KCNH7: variants seen among roughly 807,000 people sequenced by gnomAD.
KCNH7 encodes voltage-gated inwardly rectifying potassium channel KCNH7.
A neutral mutation model predicts 120.8 loss-of-function variants in KCNH7; 49 were observed. The ratio of observed to expected loss-of-function variants is 0.41; its 90% CI spans 0.32 to 0.51. The LOEUF is 0.51. Among genes scored for constraint, KCNH7 ranks in the 20% least tolerant of loss-of-function variants. KCNH7 has a pLI of 0.38. For synonymous variants in KCNH7, 547 were observed against 516.1 expected (o/e 1.06, Z -0.81); for missense variants, 1,097 against 1,446.6 (o/e 0.76, Z 3.92).
At chr2:162,739,168 C>T (rs772439284) in intron 2 of KCNH7, among the ~76,000 whole-genome samples, 11 of 152,116 alleles carry the variant, frequency 7.2e-5, no homozygotes, top group Non-Finnish European at 1.5e-4. Flanking sequence ...TGCCTTGGTG[C>T]CCATTTTCAA....
rs1484112107 is a variant in KCNH7 at position 162,384,947 on chromosome 2, A to G, written c.2711-8T>C. ...GATCATTTGTACTGTTTTCTTTGCC[A>G]AAATATATCAAAGAAAAGTTATTTT... On this transcript the variant is annotated splice_polypyrimidine_tract_variant and splice_region_variant and intron_variant, in intron 12 of 15. Coordinates refer to ENST00000332142, the MANE Select transcript of KCNH7 (RefSeq NM_033272.4). 6.3e-7 allele frequency: 1 copy of G among 1,589,564 alleles called. No homozygotes were observed.
intron 2 of KCNH7, among the ~76,000 whole-genome samples, chr2:162,666,280 C>T (rs1685129415): frequency 1.3e-5 from 2 of 152,106 alleles, no homozygotes; most frequent in Admixed American, 1.3e-4. Flanking sequence ...GAAGCTCAAC[C>T]ATCTTGGATT....
At chr2:162,453,608 C>G (rs1170357485) in intron 6 of KCNH7, among the ~76,000 whole-genome samples, 1 of 152,188 alleles carries the variant, frequency 6.6e-6, no homozygotes, top group Non-Finnish European at 1.5e-5. Context: ...TGTTTCTCCA[C>G]AGCCTTGCCA....
At chr2:162,469,269 C>G (rs1558961698) in intron 6 of KCNH7, among the ~76,000 whole-genome samples, 3 of 152,098 alleles carry the variant, frequency 2.0e-5, no homozygotes, top group Non-Finnish European at 4.4e-5. Context: ...CATTTGAGAG[C>G]AAAATCATAT....
chr2:162,452,913 A>T (rs572673413), intron 6 of KCNH7, among the ~76,000 whole-genome samples: 1 of 151,598 alleles, frequency 6.6e-6, no homozygotes, highest in East Asian at 1.9e-4. Flanking sequence ...CTCTCAAGGA[A>T]TTTAAAAGTT....
chr2:162,442,015 T>C (rs1558947095), intron 7 of KCNH7, among the ~76,000 whole-genome samples: 2 of 99,368 alleles, frequency 2.0e-5, no homozygotes, highest in African/African-American at 1.0e-4. Context: ...TTTTTTTTTT[T>C]TTTTTTTTTT....
At chr2:162,634,384 T>C (rs2105223598) in intron 2 of KCNH7, among the ~76,000 whole-genome samples, 1 of 152,118 alleles carries the variant, frequency 6.6e-6, no homozygotes, top group Non-Finnish European at 1.5e-5. Flanking sequence ...GGATGACGTA[T>C]TGACAAGGGA....
rs183091335 is a variant in KCNH7, at chr2:162,376,509, C to T, written c.3132-2847G>A. Among the ~76,000 whole-genome samples, 699 of 151,918 alleles carry T rather than the reference C, an allele frequency of 4.6e-3. 8 individuals carry two copies. The highest frequency in any genetic ancestry group is 0.016 in the African/African-American group (673 of 41,426). On this transcript the variant is annotated intron_variant, in intron 14 of 15. Transcript: ENST00000332142. ...CCTCCTGAGTAGCTGGCATTACAGG[C>T]GCCCGCCACCACTCCCAGCTAATTT...
At chr2:162,720,911 A>T (rs1024521877) in intron 2 of KCNH7, among the ~76,000 whole-genome samples, 1 of 152,132 alleles carries the variant, frequency 6.6e-6, no homozygotes, top group Non-Finnish European at 1.5e-5. Flanking sequence ...GGCTCTACAC[A>T]CTTTTATTTG....
chr2:162,697,124 C>T (rs773553588), intron 2 of KCNH7, among the ~76,000 whole-genome samples: 1 of 152,022 alleles, frequency 6.6e-6, no homozygotes, highest in Non-Finnish European at 1.5e-5. Flanking sequence ...GTATTGAGCA[C>T]CAATGAATGT....
chr2:162,561,437 T>G (rs1360964340), intron 2 of KCNH7, among the ~76,000 whole-genome samples: 1 of 152,202 alleles, frequency 6.6e-6, no homozygotes, highest in South Asian at 2.1e-4. Context: ...CAAATGGTAT[T>G]TCTAGTTCTA....
At chr2:162,714,690 C>G (rs1687046128) in intron 2 of KCNH7, among the ~76,000 whole-genome samples, 1 of 152,228 alleles carries the variant, frequency 6.6e-6, no homozygotes, top group Admixed American at 6.5e-5. Context: ...CTACTCAGTT[C>G]TGCCATTGGT....
At chr2:162,760,469 C>T (rs1460957472) in intron 2 of KCNH7, among the ~76,000 whole-genome samples, 1 of 151,906 alleles carries the variant, frequency 6.6e-6, no homozygotes, top group Non-Finnish European at 1.5e-5. Context: ...TTTAGGGGAC[C>T]CATGCAATAA....
chr2:162,509,405 G>T (rs1690990820), intron 5 of KCNH7, among the ~76,000 whole-genome samples: 1 of 151,426 alleles, frequency 6.6e-6, no homozygotes, highest in African/African-American at 2.4e-5. Context: ...AAATCATCAG[G>T]TATTTGTACA....
chr2:162,547,492 T>C (rs930446233), intron 2 of KCNH7, among the ~76,000 whole-genome samples: 2 of 152,200 alleles, frequency 1.3e-5, no homozygotes, highest in African/African-American at 4.8e-5. Context: ...AGCTAACTTT[T>C]ATTAAACAAT....
At chr2:162,627,188 C>T (rs1483904985) in intron 2 of KCNH7, among the ~76,000 whole-genome samples, 1 of 152,096 alleles carries the variant, frequency 6.6e-6, no homozygotes, top group African/African-American at 2.4e-5. Context: ...ATCAAGAGTG[C>T]ACTGCATGCT....
intron 2 of KCNH7, among the ~76,000 whole-genome samples, chr2:162,833,933 T>C (rs903672326): frequency 1.3e-5 from 2 of 152,190 alleles, no homozygotes; most frequent in African/African-American, 4.8e-5. Flanking sequence ...ACTCTTCATA[T>C]TCTTGTGAAA....
chr2:162,525,009 T>C (rs766201683), intron 3 of KCNH7, among the ~76,000 whole-genome samples: 9 of 151,818 alleles, frequency 5.9e-5, no homozygotes, highest in Non-Finnish European at 1.3e-4. Context: ...AATGGGCCAC[T>C]GTAGCCAGCG....
chr2:162,541,626 G>A (rs1466420010), intron 2 of KCNH7, among the ~76,000 whole-genome samples: 1 of 152,092 alleles, frequency 6.6e-6, no homozygotes, highest in African/African-American at 2.4e-5. Flanking sequence ...ATTTATAAAT[G>A]GGAGCAGAAT....
Sources: allele counts gnomAD v4.1 joint callset (sites outside exome capture counted in the v4.1 genomes callset), GRCh38; gene constraint gnomAD v4.1.1; transcripts MANE v1.5; gene names NCBI Gene and HGNC (gene_info 2026-07-23, HGNC 2026-07-21).